LCORL: variants seen among roughly 807,000 people sequenced by gnomAD.
LCORL encodes the protein ligand-dependent nuclear receptor corepressor-like protein.
Under a neutral mutation model 141.8 loss-of-function variants are expected in LCORL, and 41 were observed. The ratio of observed to expected loss-of-function variants is 0.29; its 90% CI spans 0.23 to 0.38. LCORL has a LOEUF of 0.38. Among genes scored for constraint, LCORL ranks in the 10% least tolerant of loss-of-function variants. The pLI, the probability that LCORL is intolerant of heterozygous loss-of-function variation, is 1.00. For missense variants in LCORL, 1,759 were observed against 2,035.0 expected (o/e 0.86, Z 2.61); for synonymous variants, 618 against 694.1 (o/e 0.89, Z 1.72).
At chr4:17,905,330 A>G (rs1731443773) in intron 5 of LCORL, among the ~76,000 whole-genome samples, 1 of 152,084 alleles carries the variant, frequency 6.6e-6, no homozygotes, top group South Asian at 2.1e-4. Flanking sequence ...CTATTAGGAC[A>G]TAATTTTTAA....
At chr4:17,952,472 G>A (rs897491974) in intron 4 of LCORL, among the ~76,000 whole-genome samples, 14 of 147,292 alleles carry the variant, frequency 9.5e-5, no homozygotes, top group African/African-American at 3.6e-4. Flanking sequence ...CTGGAGTGCA[G>A]TGGCGCGATC....
At chr4:17,876,051 G>A (rs1403602035) in exon 7 of LCORL, 2 of 1,230,910 alleles carry the variant, frequency 1.6e-6, no homozygotes, top group Admixed American at 4.2e-5. Flanking sequence ...AGTGCCAACT[G>A]AAGTTAAAGT....
intron 7 of LCORL, among the ~76,000 whole-genome samples, chr4:17,848,822 C>T (rs1227097191): frequency 2.6e-5 from 4 of 152,238 alleles, no homozygotes; most frequent in East Asian, 1.9e-4. Flanking sequence ...AGGTCACTCC[C>T]ACCCCAATAC....
rs565802878 is a variant in LCORL at position 17,907,226 on chromosome 4, G to T, written c.682+1868C>A. Among the ~76,000 whole-genome samples, 12 of 152,274 alleles carry T rather than the reference G, an allele frequency of 7.9e-5. No individual in the cohort carries two copies. The South Asian group carries it at 2.3e-3, about 29-fold the overall frequency. ...ACAAGTATTTATAGATCACTATCAC[G>T]TTACTTCTAAGGCTTCTTCTGTGGT... is the stretch of plus-strand genomic sequence containing the variant. On this transcript the variant is annotated intron_variant, in intron 5 of 7. Transcript: ENST00000635767.
chr4:17,987,556 C>T (rs1263159548), intron 1 of LCORL, among the ~76,000 whole-genome samples: 3 of 152,076 alleles, frequency 2.0e-5, no homozygotes, highest in South Asian at 2.1e-4. Flanking sequence ...CTAGGTAAGA[C>T]TATAGGAATA....
chr4:18,008,005 C>T (rs1011145791), intron 1 of LCORL, among the ~76,000 whole-genome samples: 1 of 152,042 alleles, frequency 6.6e-6, no homozygotes, highest in African/African-American at 2.4e-5. Flanking sequence ...CTTTTCCATA[C>T]CCTAAATTGG....
chr4:17,867,239 A>C lies in LCORL; in HGVS notation c.5602+6149T>G, dbSNP rs543021560. On this transcript the variant is annotated intron_variant, in intron 7 of 7. Transcript: ENST00000635767. ...GGGACGAACAAGATAGGATGACCTT[A>C]ATATATTTTTTAAAAGCCAACAACT... is the stretch of plus-strand genomic sequence containing the variant. Among the ~76,000 whole-genome samples the C allele has an allele frequency of 8.5e-5, 13 of 152,270 alleles. No homozygotes were observed. The South Asian group carries it at 2.3e-3, about 27-fold the overall frequency.
chr4:17,906,907 C>T (rs180911922), intron 5 of LCORL, among the ~76,000 whole-genome samples: 2 of 152,196 alleles, frequency 1.3e-5, no homozygotes, highest in African/African-American at 4.8e-5. Flanking sequence ...GGATGTTGAT[C>T]TCTTGACCTC....
At chr4:17,963,078 T>C (rs756694705) in intron 2 of LCORL, 29 bp from the exon 3 acceptor site, 2 of 1,249,164 alleles carry the variant, frequency 1.6e-6, no homozygotes, top group Admixed American at 2.0e-5. Flanking sequence ...ATTCATTAAA[T>C]ATACTAACTT....
At chr4:17,912,776 C>T (rs889710564) in intron 4 of LCORL, 1 of 420,452 alleles carries the variant, frequency 2.4e-6, no homozygotes, top group Non-Finnish European at 4.6e-6. Context: ...GCACCAGGCC[C>T]AGGAGTACGA....
chr4:17,958,685 C>T (rs185696186), intron 4 of LCORL, among the ~76,000 whole-genome samples: 24 of 151,972 alleles, frequency 1.6e-4, no homozygotes, highest in African/African-American at 4.3e-4. Context: ...TTCTTCAAAA[C>T]GAACAAAGGA....
intron 2 of LCORL, among the ~76,000 whole-genome samples, chr4:17,968,163 C>CCATTACTTTTTATTGA (rs1230026863): frequency 6.6e-6 from 1 of 152,086 alleles, no homozygotes; most frequent in Non-Finnish European, 1.5e-5. Flanking sequence ...CGGCCATTTG[C>CCATTACTTTTTATTGA]CATTACTTTT....
chr4:17,911,759 T>A, intron 4 of LCORL: 2 of 462,230 alleles, frequency 4.3e-6, no homozygotes, highest in Non-Finnish European at 8.4e-6. Context: ...GCCTGGCTGG[T>A]CAGCAGCGTG....
At chr4:17,878,942 G>C (rs1727213255) in intron 6 of LCORL, among the ~76,000 whole-genome samples, 2 of 150,884 alleles carry the variant, frequency 1.3e-5, no homozygotes, top group African/African-American at 4.8e-5. Flanking sequence ...GACCAATATA[G>C]AAGTCTACAC....
At chr4:17,953,437 A>C (rs937912872) in intron 4 of LCORL, among the ~76,000 whole-genome samples, 2 of 152,146 alleles carry the variant, frequency 1.3e-5, no homozygotes, top group Non-Finnish European at 2.9e-5. Flanking sequence ...ATTTACCCCA[A>C]AGGATATTAG....
chr4:17,901,000 TG>T (rs11284768), intron 5 of LCORL, among the ~76,000 whole-genome samples: 30,933 of 151,958 alleles, frequency 0.2, 3,572 homozygotes, highest in African/African-American at 0.31. Context: ...CATGCTGCCT[TG>T]GTTGGATTGT....
intron 4 of LCORL, among the ~76,000 whole-genome samples, chr4:17,954,972 G>A (rs58301870): frequency 0.022 from 3,361 of 152,268 alleles, 130 homozygotes; most frequent in African/African-American, 0.076. Flanking sequence ...AAAGCAGGAG[G>A]AAAGGTCAGG....
intron 1 of LCORL, among the ~76,000 whole-genome samples, chr4:17,975,237 A>G (rs947004286): frequency 2.0e-5 from 3 of 152,276 alleles, no homozygotes; most frequent in Admixed American, 1.3e-4. Flanking sequence ...ATTCACTACA[A>G]TAGCTCTATC....
exon 8 of LCORL, chr4:17,842,886 GTCT>G (rs1340306102): frequency 4.3e-5 from 7 of 162,116 alleles, no homozygotes; most frequent in Admixed American, 4.2e-4. Flanking sequence ...GATTAAATTT[GTCT>G]TTTTTGGGGG....
Sources: gnomAD v4.1 joint callset for allele counts (sites outside exome capture counted in the v4.1 genomes callset) on GRCh38, gnomAD v4.1.1 for gene constraint, MANE v1.5 for transcripts, NCBI Gene and HGNC (gene_info 2026-07-23, HGNC 2026-07-21) for gene names.